The following VWA8 variants were observed in gnomAD, a reference collection of about 807,000 sequenced individuals.
VWA8 encodes von Willebrand factor A domain containing 8, also known as von Willebrand factor A domain-containing protein 8.
Under a neutral mutation model 241.5 loss-of-function variants are expected in VWA8, and 221 were observed. The observed-to-expected ratio is 0.91, with a 90% CI of 0.82 to 1.02. VWA8 has a LOEUF of 1.02. Among genes scored for constraint, VWA8 ranks in the 50% least tolerant of loss-of-function variants. The pLI, the probability that VWA8 is intolerant of heterozygous loss-of-function variation, is 0.00. For synonymous variants in VWA8, 852 were observed against 827.1 expected (o/e 1.03, Z -0.52); for missense variants, 2,322 against 2,328.7 (o/e 1.00, Z 0.06).
At chr13:41,699,011 A>C (rs1280723161) in intron 29 of VWA8, 60 bp downstream of exon 29, 1 of 1,603,242 alleles carries the variant, frequency 6.2e-7, no homozygotes, top group Non-Finnish European at 8.5e-7. Context: ...ATAGGTTTCT[A>C]ATCACTCTTG....
chr13:41,573,524 CGT>C lies in VWA8; in HGVS notation c.5370+2214_5370+2215del, dbSNP rs546402016. ...ATATATATACCTCTCTCTATATATA[CGT>C]GTATATATATATACGTATATATAAA... On this transcript the variant is annotated intron_variant, in intron 43 of 44. Coordinates refer to ENST00000379310, the MANE Select transcript of VWA8 (RefSeq NM_015058.2). Among the ~76,000 whole-genome samples, 348 of 119,408 alleles carry C rather than the reference CGT, an allele frequency of 2.9e-3. 3 individuals are homozygous for C. The highest frequency in any genetic ancestry group is 0.011 in the African/African-American group (328 of 29,112). The allele number at this position is 119,408 out of a possible 152,430, so 78.3% of individuals were successfully genotyped here.
At chr13:41,609,168 C>T (rs555053228) in intron 39 of VWA8, among the ~76,000 whole-genome samples, 6 of 152,234 alleles carry the variant, frequency 3.9e-5, no homozygotes, top group African/African-American at 1.4e-4. Context: ...CAGGAACTTA[C>T]AGTCAGAGGA....
chr13:41,755,545 T>C (rs2045688489), intron 21 of VWA8, among the ~76,000 whole-genome samples: 1 of 152,024 alleles, frequency 6.6e-6, no homozygotes, highest in South Asian at 2.1e-4. Context: ...AACATATCTA[T>C]ACTTTTATCT....
At chr13:41,676,180 C>G (rs1188383298) in intron 35 of VWA8, among the ~76,000 whole-genome samples, 1 of 152,098 alleles carries the variant, frequency 6.6e-6, no homozygotes, top group Non-Finnish European at 1.5e-5. Context: ...AGGTGCCAAG[C>G]TGACAAAGGG....
chr13:41,615,147 GA>G (rs201769332), intron 37 of VWA8, 63 bp from the exon 38 acceptor site: 109 of 1,518,846 alleles, frequency 7.2e-5, no homozygotes, highest in East Asian at 1.4e-4. Flanking sequence ...CTGCATGACA[GA>G]AAAAAAAATT....
chr13:41,851,545 G>A (rs2138030137), intron 12 of VWA8, among the ~76,000 whole-genome samples: 1 of 152,264 alleles, frequency 6.6e-6, no homozygotes, highest in Non-Finnish European at 1.5e-5. Context: ...TCTCGTGGTA[G>A]TGAATAAGTC....
chr13:41,782,342 TTTTGTTCTTTGTCTCTTTGTCTC>T (rs1475602159), intron 19 of VWA8, among the ~76,000 whole-genome samples: 7 of 152,214 alleles, frequency 4.6e-5, no homozygotes, highest in Non-Finnish European at 8.8e-5. Flanking sequence ...TCAAATTGTC[TTTTGTTCTTTGTCTCTTTGTCTC>T]TTTGTTCTTT....
chr13:41,706,483 G>A (rs1369901504), intron 26 of VWA8, among the ~76,000 whole-genome samples: 1 of 152,134 alleles, frequency 6.6e-6, no homozygotes, highest in African/African-American at 2.4e-5. Flanking sequence ...GACTTTTACT[G>A]TAGGCTCTAG....
intron 1 of VWA8, among the ~76,000 whole-genome samples, chr13:41,950,223 A>C (rs1423423750): frequency 6.8e-6 from 1 of 146,140 alleles, no homozygotes; most frequent in African/African-American, 2.4e-5. Context: ...TCACATTTTA[A>C]ATGTGTTAGC....
chr13:41,648,145 C>T lies in VWA8; in HGVS notation c.4611+22801G>A, dbSNP rs141008865. On this transcript the variant is annotated intron_variant, in intron 37 of 44. Transcript: ENST00000379310. ...AACACAATAGAAAAATGCCTTTGGA[C>T]GGTGTCGGTAGTCCCCTCAGTAAAG... Among the ~76,000 whole-genome samples, 1,177 of 152,244 alleles carry T rather than the reference C, an allele frequency of 7.7e-3. 7 individuals are homozygous for T. The highest frequency in any genetic ancestry group is 0.013 in the Non-Finnish European group (908 of 68,014).
chr13:41,721,633 G>GA, intron 24 of VWA8, 58 bp from the exon 25 acceptor site: 3 of 1,516,948 alleles, frequency 2.0e-6, no homozygotes, highest in African/African-American at 2.8e-5. Context: ...GATGTCACAG[G>GA]AAAAAATGGA....
intron 12 of VWA8, among the ~76,000 whole-genome samples, chr13:41,836,096 G>A (rs901834348): frequency 1.3e-5 from 2 of 152,090 alleles, no homozygotes; most frequent in Non-Finnish European, 2.9e-5. Flanking sequence ...TGCCTCCCAC[G>A]TGGGAAACAC....
chr13:41,614,318 G>A (rs531539019), intron 38 of VWA8, among the ~76,000 whole-genome samples: 4 of 152,270 alleles, frequency 2.6e-5, no homozygotes, highest in Admixed American at 2.0e-4. Flanking sequence ...CAGACAGTGC[G>A]CACACAGTCT....
intron 37 of VWA8, among the ~76,000 whole-genome samples, chr13:41,669,130 G>C (rs2045005456): frequency 6.6e-6 from 1 of 152,122 alleles, no homozygotes; most frequent in South Asian, 2.1e-4. Flanking sequence ...ACCATGCCCA[G>C]CTTATAGCTG....
intron 21 of VWA8, among the ~76,000 whole-genome samples, chr13:41,736,775 G>C (rs1254364105): frequency 1.3e-5 from 2 of 151,220 alleles, no homozygotes; most frequent in African/African-American, 4.9e-5. Flanking sequence ...AGCCAAACAT[G>C]AGAAAGGAAA....
chr13:41,579,734 G>A (rs765989822), intron 42 of VWA8, among the ~76,000 whole-genome samples: 12 of 152,210 alleles, frequency 7.9e-5, no homozygotes, highest in Non-Finnish European at 1.0e-4. Flanking sequence ...GTTTTGGGGT[G>A]TTATCCTTAT....
intron 43 of VWA8, among the ~76,000 whole-genome samples, chr13:41,573,486 A>AATAAATAAATAAATAAATAAATATATAT (rs1555303591): frequency 7.0e-5 from 8 of 113,610 alleles, no homozygotes; most frequent in African/African-American, 2.7e-4. Flanking sequence ...AAAAAAAAAA[A>AATAAATAAATAAATAAATAAATATATAT]ATATATATAT....
At chr13:41,843,624 CA>C (rs1872156332) in intron 12 of VWA8, among the ~76,000 whole-genome samples, 1 of 151,954 alleles carries the variant, frequency 6.6e-6, no homozygotes, top group South Asian at 2.1e-4. Context: ...GGAGAAGATC[CA>C]AATCAGCACA....
At chr13:41,887,454 T>G in intron 5 of VWA8, 93 bp from the exon 6 acceptor site, 1 of 1,344,626 alleles carries the variant, frequency 7.4e-7, no homozygotes, top group Admixed American at 2.5e-5. Context: ...ACTTGACTGT[T>G]GAGAAAACTG....
Sources: allele counts gnomAD v4.1 joint callset (sites outside exome capture counted in the v4.1 genomes callset), GRCh38; gene constraint gnomAD v4.1.1; transcripts MANE v1.5; gene names NCBI Gene and HGNC (gene_info 2026-07-23, HGNC 2026-07-21).